Variants in CENPI observed in about 807,000 individuals in gnomAD.
The protein encoded by CENPI is FSH primary response 1.
A neutral mutation model predicts 60.4 loss-of-function variants in CENPI; 4 were observed. The observed-to-expected ratio is 0.07, with a 90% CI of 0.03 to 0.15. The LOEUF is 0.15. Ranked by LOEUF, CENPI falls within the 10% of genes least tolerant of loss-of-function variation. The pLI, the probability that CENPI is intolerant of heterozygous loss-of-function variation, is 1.00. For synonymous variants in CENPI, 157 were observed against 189.4 expected (o/e 0.83, Z 1.40); for missense variants, 444 against 534.5 (o/e 0.83, Z 1.67).
chrX:101,145,703 T>C (rs1265389229), intron 17 of CENPI, among the ~76,000 whole-genome samples: 1 of 108,379 alleles, frequency 9.2e-6, no homozygotes, highest in African/African-American at 3.3e-5. Flanking sequence ...TGCACCAATT[T>C]AATATTATCC....
chrX:101,121,975 T>A (rs1249973083), intron 8 of CENPI, among the ~76,000 whole-genome samples: 10 of 108,764 alleles, frequency 9.2e-5, no homozygotes, highest in Non-Finnish European at 1.7e-4. Context: ...GCTAATTTTT[T>A]ATATTTTTAG....
chrX:101,173,896 TAAC>T, the CENPI span, among the ~76,000 whole-genome samples: 5 of 111,222 alleles, frequency 4.5e-5, no homozygotes, highest in Admixed American at 9.6e-5. Context: ...AAAAGGAACT[TAAC>T]AAGCAAAAAA....
At position 101,148,266 on chromosome X, in the gene CENPI, A is replaced by T. The variant is rs868565019; in HGVS notation, c.2094+105A>T. 555 of 706,421 alleles carry T rather than the reference A, an allele frequency of 7.9e-4. 3 individuals carry two copies. The highest frequency in any genetic ancestry group is 3.4e-3 in the Middle Eastern group (7 of 2,065). The allele number at this position is 706,421 out of a possible 1,213,427, so 58.2% of individuals were successfully genotyped here. ...TGTCTGAATTGTAAGACGTGTGTTT[A>T]GTAATTTTTTTTAAGTAACAACTAA... is the stretch of plus-strand genomic sequence containing the variant. On this transcript the variant is annotated intron_variant, in intron 20 of 21. Transcript: ENST00000682095.
At chrX:101,128,222 C>G (rs1377073742) in intron 11 of CENPI, among the ~76,000 whole-genome samples, 1 of 111,401 alleles carries the variant, frequency 9.0e-6, no homozygotes, top group Non-Finnish European at 1.9e-5. Context: ...TAATCCCAGC[C>G]ATTTGGGAGG....
At chrX:101,125,181 C>T (rs1358688678) in intron 8 of CENPI, among the ~76,000 whole-genome samples, 2 of 111,519 alleles carry the variant, frequency 1.8e-5, no homozygotes, top group Admixed American at 1.9e-4. Flanking sequence ...GGTCCCTCAA[C>T]TCTTGATCCT....
rs769121751 is a variant in CENPI at position 101,104,086 on chromosome X, G to T, written c.364+1675G>T. ...CCTCCTGGGTTCAAGCGATTCTCCTGCCTCAGCTTTCTGAGTAGTTGGGCT... is the reference window on the plus strand; with the variant it reads ...CCTCCTGGGTTCAAGCGATTCTCCTTCCTCAGCTTTCTGAGTAGTTGGGCT... On this transcript the variant is annotated intron_variant, in intron 4 of 21. Transcript: ENST00000682095. 2.7e-5 allele frequency among the ~76,000 whole-genome samples: 3 copies of T among 110,864 alleles called. No homozygotes were observed. The East Asian group carries it at 8.5e-4, about 31-fold the overall frequency.
intron 4 of CENPI, among the ~76,000 whole-genome samples, chrX:101,109,075 G>GTTTTTTTT (rs869245080): frequency 2.1e-5 from 1 of 47,316 alleles, no homozygotes. Flanking sequence ...GAGGTGTGGT[G>GTTTTTTTT]TTTTTTTTTT....
intron 20 of CENPI, among the ~76,000 whole-genome samples, chrX:101,161,075 T>C (rs1286162511): frequency 8.9e-6 from 1 of 112,436 alleles, no homozygotes; most frequent in Non-Finnish European, 1.9e-5. Flanking sequence ...ATAAAAATGA[T>C]ATATGATAAA....
Position 101,161,690 on chromosome X carries a change from GTGTT to G in CENPI, c.2136+124_2136+127del, listed in dbSNP as rs2090109416. 1.7e-5 allele frequency: 10 copies of G among 595,144 alleles called. No individual in the cohort carries two copies. The South Asian group carries it at 2.9e-4, about 18-fold the overall frequency. The allele number at this position is 595,144 out of a possible 1,213,427, so 49.0% of individuals were successfully genotyped here. A position where few individuals can be genotyped will look rare whatever the true frequency, so the allele number is the denominator to read the frequency against. On this transcript the variant is annotated intron_variant, in intron 21 of 21. Coordinates refer to ENST00000682095, the MANE Select transcript of CENPI (RefSeq NM_001386188.2). ...GCTGCCTCCACAAAGTCAAAATGAAGTGTTTGCCTTCCAAATTCATTCCAGTGAC... is the reference window on the plus strand; with the variant it reads ...GCTGCCTCCACAAAGTCAAAATGAAGTGCCTTCCAAATTCATTCCAGTGAC...
At position 101,102,697 on chromosome X, in the gene CENPI, T is replaced by A. The variant is rs191558146; in HGVS notation, c.364+286T>A. ...TTGTTTTGTTTTTTGTTTTTTGTTT[T>A]GAGATGGAGTCTTGCTCTGTCACCC... On this transcript the variant is annotated intron_variant, in intron 4 of 21. Coordinates refer to ENST00000682095, the MANE Select transcript of CENPI (RefSeq NM_001386188.2). 7.1e-3 allele frequency among the ~76,000 whole-genome samples: 762 copies of A among 106,941 alleles called. 10 individuals are homozygous for A. The highest frequency in any genetic ancestry group is 0.025 in the African/African-American group (724 of 29,290). 92.9% of individuals were successfully genotyped at this position (106,941 alleles called of 115,157 possible).
At chrX:101,154,582 AAAAACAAAAC>A (rs1569503968) in intron 20 of CENPI, among the ~76,000 whole-genome samples, 1 of 111,437 alleles carries the variant, frequency 9.0e-6, no homozygotes, top group Non-Finnish European at 1.9e-5. Flanking sequence ...CTCTGTCTAA[AAAAACAAAAC>A]AAAACAAAAA....
intron 8 of CENPI, among the ~76,000 whole-genome samples, chrX:101,125,639 A>G (rs1435604774): frequency 9.0e-6 from 1 of 111,237 alleles, no homozygotes; most frequent in Non-Finnish European, 1.9e-5. Flanking sequence ...CTCAAGTGAT[A>G]CACCCACTTC....
the CENPI span, among the ~76,000 whole-genome samples, chrX:101,172,257 A>G: frequency 8.9e-5 from 10 of 111,918 alleles, no homozygotes; most frequent in African/African-American, 3.2e-4. Context: ...GTTACTCAAA[A>G]TTTCAAACAT....
At chrX:101,154,012 G>GCTA (rs767406535) in intron 20 of CENPI, among the ~76,000 whole-genome samples, 7 of 111,610 alleles carry the variant, frequency 6.3e-5, no homozygotes, top group African/African-American at 2.0e-4. Flanking sequence ...TGTTGAAAAG[G>GCTA]CTACTCTTTC....
chrX:101,123,203 G>A (rs916089125), intron 8 of CENPI, among the ~76,000 whole-genome samples: 16 of 112,408 alleles, frequency 1.4e-4, no homozygotes, highest in African/African-American at 4.8e-4. Flanking sequence ...AACAGGCATA[G>A]TCAACATATG....
chrX:101,137,529 G>C (rs1178814387), intron 15 of CENPI, among the ~76,000 whole-genome samples: 1 of 111,678 alleles, frequency 9.0e-6, no homozygotes, highest in Admixed American at 9.6e-5. Context: ...AGGTATGAAG[G>C]CCTGGTCTTC....
intron 15 of CENPI, among the ~76,000 whole-genome samples, chrX:101,134,776 C>T (rs182647107): frequency 1.8e-5 from 2 of 111,357 alleles, no homozygotes. Flanking sequence ...GTAATCCCAG[C>T]ACTTTGGGAG....
downstream of CENPI, among the ~76,000 whole-genome samples, chrX:101,167,456 A>C (rs1402052965): frequency 1.8e-5 from 2 of 111,841 alleles, no homozygotes; most frequent in Non-Finnish European, 3.8e-5. Flanking sequence ...ATAGTATATA[A>C]TTTTTAAAAA....
At chrX:101,179,446 T>G in the CENPI span, among the ~76,000 whole-genome samples, 1 of 112,897 alleles carries the variant, frequency 8.9e-6, no homozygotes. Flanking sequence ...TTGTTTCCAT[T>G]TTTGACTGAT....
Sources: allele counts gnomAD v4.1 joint callset (sites outside exome capture counted in the v4.1 genomes callset), GRCh38; gene constraint gnomAD v4.1.1; transcripts MANE v1.5; gene names NCBI Gene and HGNC (gene_info 2026-07-23, HGNC 2026-07-21).